NRXN3: variants seen among roughly 807,000 people sequenced by gnomAD.
NRXN3 encodes the protein neurexin 3.
Under a neutral mutation model 137.6 loss-of-function variants are expected in NRXN3, and 32 were observed. That is an observed-to-expected ratio of 0.23 (90% CI 0.18 to 0.31). NRXN3 has a LOEUF of 0.31. Among genes scored for constraint, NRXN3 ranks in the 10% least tolerant of loss-of-function variants. NRXN3 has a pLI of 1.00. For missense variants in NRXN3, 1,574 were observed against 2,062.5 expected (o/e 0.76, Z 4.59); for synonymous variants, 798 against 784.5 (o/e 1.02, Z -0.29).
intron 6 of NRXN3, among the ~76,000 whole-genome samples, chr14:78,691,870 G>A (rs920493789): frequency 6.6e-6 from 1 of 152,004 alleles, no homozygotes; most frequent in African/African-American, 2.4e-5. Flanking sequence ...ATTATGTCAG[G>A]TAGTAAACCA....
chr14:79,551,004 A>G (rs1419978440), intron 16 of NRXN3, among the ~76,000 whole-genome samples: 3 of 152,226 alleles, frequency 2.0e-5, no homozygotes, highest in Admixed American at 6.5e-5. Flanking sequence ...CATTAGAAGT[A>G]GTCAGACATG....
At chr14:78,956,215 C>G (rs577041939) in intron 10 of NRXN3, among the ~76,000 whole-genome samples, 149 of 152,302 alleles carry the variant, frequency 9.8e-4, no homozygotes, top group Middle Eastern at 3.4e-3. Context: ...ATGAGCTCAG[C>G]TATCCTCCTA....
rs563917981 is a variant in NRXN3 at position 79,112,435 on chromosome 14, A to G, written c.3262+124294A>G. ...TTGTGGACAATAGATCTTTCAAACA[A>G]ATAGACCCTTGTCTGTTCCTTCCTT... On this transcript the variant is annotated intron_variant, in intron 15 of 20. Coordinates refer to ENST00000335750, the MANE Select transcript of NRXN3 (RefSeq NM_001330195.2). 2.6e-4 allele frequency among the ~76,000 whole-genome samples: 40 copies of G among 152,310 alleles called. No homozygotes were observed. In the South Asian group the frequency reaches 8.1e-3, roughly 31 times the overall value.
chr14:78,541,698 C>G (rs1296815362), intron 4 of NRXN3, among the ~76,000 whole-genome samples: 2 of 152,186 alleles, frequency 1.3e-5, no homozygotes, highest in Non-Finnish European at 2.9e-5. Context: ...AAGAGGCACT[C>G]TGATTTTTAG....
At chr14:79,633,166 C>G (rs998069566) in intron 16 of NRXN3, 4 of 152,150 alleles carry the variant, frequency 2.6e-5, no homozygotes, top group African/African-American at 9.7e-5. Flanking sequence ...TGCCCCAGTT[C>G]TGAAACCTAG....
chr14:78,872,605 A>T (rs1300685001), intron 10 of NRXN3, among the ~76,000 whole-genome samples: 1 of 152,164 alleles, frequency 6.6e-6, no homozygotes, highest in African/African-American at 2.4e-5. Context: ...TAGAAACTGT[A>T]TAATTATAGC....
At chr14:79,605,764 A>G (rs2098003646) in intron 16 of NRXN3, among the ~76,000 whole-genome samples, 1 of 152,206 alleles carries the variant, frequency 6.6e-6, no homozygotes, top group Admixed American at 6.5e-5. Flanking sequence ...TGCTGGGATT[A>G]TAGGCATGAA....
At chr14:79,246,387 G>C (rs1438275666) in intron 15 of NRXN3, among the ~76,000 whole-genome samples, 1 of 152,164 alleles carries the variant, frequency 6.6e-6, no homozygotes, top group African/African-American at 2.4e-5. Context: ...AATACCCTTA[G>C]TGGAATTGTT....
At chr14:78,763,277 CA>C (rs377613481) in intron 8 of NRXN3, among the ~76,000 whole-genome samples, 149 of 152,218 alleles carry the variant, frequency 9.8e-4, no homozygotes, top group African/African-American at 3.4e-3. Flanking sequence ...TGCTGACCTC[CA>C]TTCAAATCTT....
At chr14:78,370,472 C>T (rs1230590145) in intron 4 of NRXN3, among the ~76,000 whole-genome samples, 1 of 152,128 alleles carries the variant, frequency 6.6e-6, no homozygotes, top group East Asian at 1.9e-4. Flanking sequence ...TAAACTTTTA[C>T]TTCATTTGTG....
At chr14:79,732,754 C>T in intron 19 of NRXN3, among the ~76,000 whole-genome samples, 1 of 152,002 alleles carries the variant, frequency 6.6e-6, no homozygotes, top group East Asian at 1.9e-4. Flanking sequence ...GTTCTCTTGC[C>T]TCCATCTTAT....
chr14:78,467,263 CT>C (rs1198259415), intron 4 of NRXN3, among the ~76,000 whole-genome samples: 2 of 152,182 alleles, frequency 1.3e-5, no homozygotes, highest in African/African-American at 2.4e-5. Context: ...ATCTCACCCC[CT>C]AGTCTGTGTT....
intron 19 of NRXN3, among the ~76,000 whole-genome samples, chr14:79,744,793 A>G (rs547143666): frequency 6.6e-6 from 1 of 152,246 alleles, no homozygotes. Flanking sequence ...TGTTAAGAAT[A>G]ATGGATGTTG....
At chr14:79,769,566 C>T (rs1413880582) in intron 19 of NRXN3, among the ~76,000 whole-genome samples, 4 of 152,004 alleles carry the variant, frequency 2.6e-5, no homozygotes, top group Admixed American at 2.6e-4. Context: ...TACAGACAAG[C>T]AAATGCTGAG....
chr14:79,342,669 T>C (rs998033583), intron 15 of NRXN3, among the ~76,000 whole-genome samples: 3 of 152,176 alleles, frequency 2.0e-5, no homozygotes, highest in African/African-American at 7.2e-5. Context: ...CGTTATCCCC[T>C]AGATTTCTGT....
intron 16 of NRXN3, among the ~76,000 whole-genome samples, chr14:79,471,580 A>C (rs1289710431): frequency 6.6e-6 from 1 of 152,194 alleles, no homozygotes; most frequent in Non-Finnish European, 1.5e-5. Context: ...TGAAGTAGTC[A>C]ATCTTATTGC....
intron 19 of NRXN3, among the ~76,000 whole-genome samples, chr14:79,748,712 T>A (rs2098987374): frequency 6.6e-6 from 1 of 152,068 alleles, no homozygotes; most frequent in African/African-American, 2.4e-5. Flanking sequence ...TCCTTGTTGT[T>A]CTTTTCTGTG....
chr14:78,846,457 T>C (rs771608913), intron 10 of NRXN3, among the ~76,000 whole-genome samples: 1 of 152,154 alleles, frequency 6.6e-6, no homozygotes, highest in African/African-American at 2.4e-5. Flanking sequence ...GCTGCTGTTA[T>C]GGGATTTAAA....
At chr14:79,709,899 A>G (rs1026795792) in intron 19 of NRXN3, among the ~76,000 whole-genome samples, 2 of 151,986 alleles carry the variant, frequency 1.3e-5, no homozygotes, top group African/African-American at 4.8e-5. Flanking sequence ...TACCCTATCT[A>G]TCTATCCTGT....
Sources: allele counts gnomAD v4.1 joint callset (sites outside exome capture counted in the v4.1 genomes callset), GRCh38; gene constraint gnomAD v4.1.1; transcripts MANE v1.5; gene names NCBI Gene and HGNC (gene_info 2026-07-23, HGNC 2026-07-21).